ROCK2: variants seen among roughly 807,000 people sequenced by gnomAD.
The protein encoded by ROCK2 is Rho associated coiled-coil containing protein kinase 2.
Under a neutral mutation model 195.1 loss-of-function variants are expected in ROCK2, and 61 were observed. The observed-to-expected ratio is 0.31, with a 90% CI of 0.25 to 0.39. The LOEUF (loss-of-function observed/expected upper bound fraction) is 0.39. Ranked by LOEUF, ROCK2 falls within the 10% of genes least tolerant of loss-of-function variation. ROCK2 has a pLI of 1.00. For missense variants in ROCK2, 1,109 were observed against 1,637.4 expected, an observed-to-expected ratio of 0.68 and a Z score of 5.57; for synonymous variants, 504 against 545.5, an observed-to-expected ratio of 0.92 and a Z score of 1.06.
intron 3 of ROCK2, among the ~76,000 whole-genome samples, chr2:11,258,108 T>C (rs1666099341): frequency 1.3e-5 from 2 of 151,374 alleles, no homozygotes; most frequent in Admixed American, 1.3e-4. Flanking sequence ...GGAATCTCCC[T>C]TCCCTTACAC....
chr2:11,242,447 T>TG (rs986811126), intron 4 of ROCK2, among the ~76,000 whole-genome samples: 2 of 152,068 alleles, frequency 1.3e-5, no homozygotes, highest in Non-Finnish European at 2.9e-5. Context: ...ATGGGTGCCA[T>TG]GGGATACCAA....
intron 3 of ROCK2, among the ~76,000 whole-genome samples, chr2:11,265,073 G>A (rs539642710): frequency 2.0e-5 from 3 of 152,016 alleles, no homozygotes; most frequent in African/African-American, 7.2e-5. Context: ...TGTACAATGG[G>A]CATAATAGTA....
intron 12 of ROCK2, 51 bp from the exon 13 acceptor site, chr2:11,216,257 C>T (rs1454436674): frequency 8.7e-6 from 11 of 1,269,302 alleles, no homozygotes; most frequent in African/African-American, 1.5e-5. Flanking sequence ...TACAATAAAA[C>T]ATAGTCTATA....
At chr2:11,319,360 G>A (rs970728965) in intron 1 of ROCK2, among the ~76,000 whole-genome samples, 3 of 152,100 alleles carry the variant, frequency 2.0e-5, no homozygotes, top group African/African-American at 4.8e-5. Flanking sequence ...TATTCTCTTT[G>A]AAGCAATTGT....
upstream of ROCK2, among the ~76,000 whole-genome samples, chr2:11,345,372 G>A (rs565893458): frequency 1.3e-4 from 20 of 152,286 alleles, no homozygotes; most frequent in South Asian, 3.9e-3. Flanking sequence ...GTGGTTATCG[G>A]GACCGTTCCG....
At chr2:11,262,635 T>C (rs1433718889) in intron 3 of ROCK2, among the ~76,000 whole-genome samples, 4 of 152,194 alleles carry the variant, frequency 2.6e-5, no homozygotes, top group South Asian at 2.1e-4. Context: ...CTGCCATCCA[T>C]GTAAGATGTG....
chr2:11,268,926 C>T (rs981460801), intron 3 of ROCK2, among the ~76,000 whole-genome samples: 1 of 152,066 alleles, frequency 6.6e-6, no homozygotes, highest in Non-Finnish European at 1.5e-5. Flanking sequence ...CTACTCATAC[C>T]CCTTAGACTC....
intron 12 of ROCK2, 148 bp from the exon 13 acceptor site, chr2:11,216,354 A>G: frequency 1.6e-6 from 1 of 631,344 alleles, no homozygotes. Context: ...ACTGGAATGC[A>G]GTGGCGCAAT....
chr2:11,219,417 A>G (rs968111525), intron 9 of ROCK2, among the ~76,000 whole-genome samples: 1 of 151,090 alleles, frequency 6.6e-6, no homozygotes, highest in Non-Finnish European at 1.5e-5. Context: ...AGGCTGAGGC[A>G]TGAGAATTGC....
intron 1 of ROCK2, among the ~76,000 whole-genome samples, chr2:11,289,347 T>C (rs1442639429): frequency 6.6e-6 from 1 of 152,186 alleles, no homozygotes; most frequent in African/African-American, 2.4e-5. Context: ...TATTTTTAAG[T>C]ACCAAATCAA....
At chr2:11,284,547 A>T (rs1251605917) in intron 3 of ROCK2, among the ~76,000 whole-genome samples, 1 of 152,128 alleles carries the variant, frequency 6.6e-6, no homozygotes, top group Non-Finnish European at 1.5e-5. Flanking sequence ...TGTGAACCTA[A>T]AAGTGCTCTT....
At chr2:11,306,133 T>A (rs1359778791) in intron 1 of ROCK2, among the ~76,000 whole-genome samples, 4 of 152,338 alleles carry the variant, frequency 2.6e-5, no homozygotes, top group African/African-American at 9.6e-5. Context: ...TGAAGAACAT[T>A]ATTTGGACAG....
chr2:11,334,524 A>G (rs1361352265), intron 1 of ROCK2, among the ~76,000 whole-genome samples: 1 of 151,794 alleles, frequency 6.6e-6, no homozygotes, highest in Non-Finnish European at 1.5e-5. Context: ...AAAAAAAAAA[A>G]AAAAAAAAAT....
chr2:11,202,212 T>C (rs1663880325), intron 20 of ROCK2, 91 bp from the exon 21 acceptor site: 1 of 970,560 alleles, frequency 1.0e-6, no homozygotes. Context: ...GCCCTGGGAG[T>C]CTCTGAGGTT....
chr2:11,187,666 C>G (rs545555029), intron 32 of ROCK2, among the ~76,000 whole-genome samples: 1 of 152,280 alleles, frequency 6.6e-6, no homozygotes, highest in East Asian at 1.9e-4. Flanking sequence ...TCATCTTTCT[C>G]ATATATTTTG....
intron 1 of ROCK2, among the ~76,000 whole-genome samples, chr2:11,316,502 G>A (rs1347598829): frequency 6.6e-6 from 1 of 152,070 alleles, no homozygotes; most frequent in Non-Finnish European, 1.5e-5. Flanking sequence ...AAAAAGGAAA[G>A]ACTCAACAAA....
chr2:11,224,521 C>T, intron 6 of ROCK2, 61 bp from the exon 7 acceptor site: 2 of 1,445,174 alleles, frequency 1.4e-6, no homozygotes, highest in East Asian at 4.6e-5. Flanking sequence ...ACACTTTTCA[C>T]CTAGTACTTA....
Position 11,260,832 on chromosome 2 carries a change from T to C in ROCK2, c.325-11034A>G, listed in dbSNP as rs114738444. Among the ~76,000 whole-genome samples, 355 of 152,324 alleles carry C rather than the reference T, an allele frequency of 2.3e-3. 2 individuals are homozygous for C. The highest frequency in any genetic ancestry group is 7.5e-3 in the South Asian group (36 of 4,822). Reference sequence around the variant, plus strand: ...TTATATAAAATAAAATCACACAAGATAGGCATAAGATGGCTTTTGAATATG... The same window carrying C: ...TTATATAAAATAAAATCACACAAGACAGGCATAAGATGGCTTTTGAATATG... On this transcript the variant is annotated intron_variant, in intron 3 of 32. Transcript: ENST00000315872.
chr2:11,185,204 A>G (rs371993187), intron 32 of ROCK2, among the ~76,000 whole-genome samples: 1 of 152,200 alleles, frequency 6.6e-6, no homozygotes. Context: ...AAAGGGAGTA[A>G]TAGAATAAGA....
Sources: allele counts gnomAD v4.1 joint callset (sites outside exome capture counted in the v4.1 genomes callset), GRCh38; gene constraint gnomAD v4.1.1; transcripts MANE v1.5; gene names NCBI Gene and HGNC (gene_info 2026-07-23, HGNC 2026-07-21).